Variants in DNAH6 observed in about 807,000 individuals in gnomAD.
The protein encoded by DNAH6 is dynein axonemal heavy chain 6, also known as axonemal beta dynein heavy chain 6.
A neutral mutation model predicts 491.4 loss-of-function variants in DNAH6; 340 were observed. The observed-to-expected ratio is 0.69, with a 90% CI of 0.63 to 0.76. The LOEUF is 0.76. DNAH6 is among the 30% of genes least tolerant of loss of function. The probability of loss-of-function intolerance (pLI) is 0.00; values close to 1 mark genes in which losing one functional copy is unlikely to be tolerated. For synonymous variants in DNAH6, 1,603 were observed against 1,686.1 expected (o/e 0.95, Z 1.21); for missense variants, 4,443 against 4,972.2 (o/e 0.89, Z 3.20).
At chr2:84,617,696 G>C (rs1326293784) in intron 23 of DNAH6, among the ~76,000 whole-genome samples, 1 of 151,638 alleles carries the variant, frequency 6.6e-6, no homozygotes, top group Non-Finnish European at 1.5e-5. Flanking sequence ...ATGTGTGCCT[G>C]TGTGTGTGTG....
chr2:84,665,466 A>G (rs1424429162), intron 37 of DNAH6, among the ~76,000 whole-genome samples: 1 of 152,218 alleles, frequency 6.6e-6, no homozygotes, highest in Non-Finnish European at 1.5e-5. Context: ...AGAATACTAT[A>G]AACACCTCTA....
chr2:84,700,748 C>A (rs2104822283), intron 48 of DNAH6, among the ~76,000 whole-genome samples: 1 of 152,306 alleles, frequency 6.6e-6, no homozygotes, highest in South Asian at 2.1e-4. Flanking sequence ...GAGGTCCCAA[C>A]TATGTAACAA....
chr2:84,692,498 G>A (rs1166476652), intron 45 of DNAH6, among the ~76,000 whole-genome samples: 1 of 151,894 alleles, frequency 6.6e-6, no homozygotes, highest in African/African-American at 2.4e-5. Context: ...TCCCAGAGAA[G>A]GAAGGGGAGG....
intron 22 of DNAH6, among the ~76,000 whole-genome samples, chr2:84,614,920 A>G (rs1189199264): frequency 1.3e-5 from 2 of 152,010 alleles, no homozygotes; most frequent in Admixed American, 1.3e-4. Context: ...TCTGGCTATT[A>G]GTCCTTTGCC....
rs371744669 is a variant in DNAH6 at position 84,796,334 on chromosome 2, A to G, written c.11268A>G (p.Thr3756=). 12 of 1,527,484 alleles carry G rather than the reference A, an allele frequency of 7.9e-6. No homozygotes were observed. Among genetic ancestry groups the G allele is most frequent in the Non-Finnish European group, 8.8e-6 (10 of 1,133,778 alleles). 94.6% of individuals were successfully genotyped at this position (1,527,484 alleles called of 1,614,324 possible). A position where few individuals can be genotyped will look rare whatever the true frequency, so the allele number is the denominator to read the frequency against. Residue 3756 remains threonine (T), a synonymous_variant, in exon 69 of 77, where the codon ACA becomes ACG. Coordinates refer to ENST00000389394, the MANE Select transcript of DNAH6 (RefSeq NM_001370.2). ...AAATTACTTATGGTGGTAGAGTCAC[A>G]GACAGCTGGGACCAAAGATGCCTTC... ...TGEITYGGRV[T]DSWDQRCLRT...
At chr2:84,489,679 G>A in the DNAH6 span, among the ~76,000 whole-genome samples, 1 of 150,288 alleles carries the variant, frequency 6.7e-6, no homozygotes, top group Non-Finnish European at 1.5e-5. Flanking sequence ...AGAGAATATG[G>A]TCTGTGAACT....
intron 4 of DNAH6, among the ~76,000 whole-genome samples, chr2:84,543,287 T>C (rs1274294875): frequency 6.6e-6 from 1 of 152,238 alleles, no homozygotes; most frequent in Admixed American, 6.5e-5. Context: ...GGAGTGTTCC[T>C]AATTTCTGCC....
chr2:84,474,599 A>G, the DNAH6 span, among the ~76,000 whole-genome samples: 1 of 152,222 alleles, frequency 6.6e-6, no homozygotes, highest in Non-Finnish European at 1.5e-5. Flanking sequence ...ATAGGAATAG[A>G]TATTTCAGCA....
At chr2:84,600,211 A>G (rs534249937) in intron 18 of DNAH6, among the ~76,000 whole-genome samples, 1 of 152,270 alleles carries the variant, frequency 6.6e-6, no homozygotes, top group African/African-American at 2.4e-5. Flanking sequence ...CTATCAGTTT[A>G]TGCATTTTTT....
chr2:84,744,235 C>T (rs1672761625), intron 62 of DNAH6, among the ~76,000 whole-genome samples: 1 of 152,202 alleles, frequency 6.6e-6, no homozygotes, highest in Non-Finnish European at 1.5e-5. Context: ...GCCTGAAATG[C>T]AAGCCAACAA....
At chr2:84,750,520 GTAGAAACATA>G (rs1673369944) in intron 63 of DNAH6, among the ~76,000 whole-genome samples, 1 of 152,002 alleles carries the variant, frequency 6.6e-6, no homozygotes, top group Non-Finnish European at 1.5e-5. Context: ...ACTTTGTCTT[GTAGAAACATA>G]TTGAATTACT....
chr2:84,687,637 GA>G (rs566049491), intron 44 of DNAH6, among the ~76,000 whole-genome samples: 103 of 151,888 alleles, frequency 6.8e-4, no homozygotes, highest in African/African-American at 2.4e-3. Context: ...AATACACACA[GA>G]AAAAAAACAG....
intron 15 of DNAH6, among the ~76,000 whole-genome samples, chr2:84,587,354 A>G (rs975014188): frequency 1.3e-5 from 2 of 152,314 alleles, no homozygotes; most frequent in African/African-American, 4.8e-5. Flanking sequence ...CCAATCTGAT[A>G]CTGATTGGCA....
intron 14 of DNAH6, among the ~76,000 whole-genome samples, chr2:84,581,702 A>G (rs539744960): frequency 1.3e-5 from 2 of 152,372 alleles, no homozygotes; most frequent in African/African-American, 4.8e-5. Flanking sequence ...CTATGGAGAA[A>G]GAATGTTTAG....
Position 84,588,873 on chromosome 2 carries a change from C to T in DNAH6, c.2529C>T (p.Leu843=), listed in dbSNP as rs1389122509. ...CTGCTGACCAAGACAAAATAAGGCTCATATTGAATAATCTGCAATCTGTTC... is the reference window on the plus strand; with the variant it reads ...CTGCTGACCAAGACAAAATAAGGCTTATATTGAATAATCTGCAATCTGTTC... The part of the protein sequence containing the change: ...DISADQDKIR[L]ILNNLQSVLA... Residue 843 remains leucine (L), a synonymous_variant, in exon 16 of 77, where the codon CTC becomes CTT. Transcript: ENST00000389394. 1.3e-6 allele frequency: 2 copies of T among 1,550,620 alleles called. No individual in the cohort carries two copies. The highest frequency in any genetic ancestry group is 2.5e-5 in the East Asian group (1 of 40,778).
Position 84,612,985 on chromosome 2 carries a change from T to C in DNAH6, c.3475+1131T>C, listed in dbSNP as rs1442317059. 2.0e-5 allele frequency among the ~76,000 whole-genome samples: 3 copies of C among 152,024 alleles called. No individual in the cohort carries two copies. The East Asian group carries it at 5.8e-4, about 29-fold the overall frequency. On this transcript the variant is annotated intron_variant, in intron 22 of 76. Coordinates refer to ENST00000389394, the MANE Select transcript of DNAH6 (RefSeq NM_001370.2). ...GCTGTCCCAGTCCCTACTAGACTTG[T>C]TATAAAATATAACTTCTGAAATGAA...
rs1348246160 is a variant in DNAH6, at chr2:84,594,105, A to G, written c.2724+20A>G. The G allele has an allele frequency of 6.2e-6, 8 of 1,283,744 alleles. No individual in the cohort carries two copies. Among genetic ancestry groups the G allele is most frequent in the East Asian group, 2.5e-5 (1 of 39,326 alleles). 79.5% of individuals were successfully genotyped at this position (1,283,744 alleles called of 1,614,324 possible). A position where few individuals can be genotyped will look rare whatever the true frequency, so the allele number is the denominator to read the frequency against. ...TTAAAGGTAGGGGAAAAAAGCCTTC[A>G]GTTCTCAAATTATTTTTGTATGAAT... On this transcript the variant is annotated intron_variant, in intron 17 of 76. Transcript: ENST00000389394.
chr2:84,499,195 C>T, the DNAH6 span, among the ~76,000 whole-genome samples: 1 of 152,090 alleles, frequency 6.6e-6, no homozygotes, highest in Non-Finnish European at 1.5e-5. Context: ...AAACCCCCCA[C>T]TACCCTTCCC....
chr2:84,551,781 C>T lies in DNAH6; in HGVS notation c.1486-1137C>T, dbSNP rs559513610. Among the ~76,000 whole-genome samples, 14 of 152,320 alleles carry T rather than the reference C, an allele frequency of 9.2e-5. No individual in the cohort carries two copies. The East Asian group carries it at 1.4e-3, about 15-fold the overall frequency. ...TGAGCATTTAGGCCAGGCGTGGTGA[C>T]TCATGTTTGTAATCCCAGCACTTTG... On this transcript the variant is annotated intron_variant, in intron 9 of 76. Transcript: ENST00000389394.
Sources: allele counts gnomAD v4.1 joint callset (sites outside exome capture counted in the v4.1 genomes callset), GRCh38; gene constraint gnomAD v4.1.1; transcripts MANE v1.5; gene names NCBI Gene and HGNC (gene_info 2026-07-23, HGNC 2026-07-21).